Variants in ASCC3 observed in about 807,000 individuals in gnomAD.
The protein encoded by ASCC3 is activating signal cointegrator 1 complex subunit 3, also known as ASC-1 complex subunit P200.
ASCC3 carries 158 observed loss-of-function variants against 256.3 expected under a neutral mutation model. That is an observed-to-expected ratio of 0.62 (90% confidence interval 0.54 to 0.70). ASCC3 has a LOEUF of 0.70. Among genes scored for constraint, ASCC3 ranks in the 30% least tolerant of loss-of-function variants. ASCC3 has a pLI of 0.00. For missense variants in ASCC3, 2,259 were observed against 2,626.0 expected (o/e 0.86, Z 3.05); for synonymous variants, 948 against 883.4 (o/e 1.07, Z -1.30).
At chr6:100,572,642 G>A (rs536546503) in intron 36 of ASCC3, among the ~76,000 whole-genome samples, 4 of 152,112 alleles carry the variant, frequency 2.6e-5, no homozygotes, top group African/African-American at 4.8e-5. Flanking sequence ...AATAAAGCAA[G>A]GAGATAAACA....
chr6:100,850,757 T>C (rs1469384338), intron 3 of ASCC3, among the ~76,000 whole-genome samples: 1 of 152,164 alleles, frequency 6.6e-6, no homozygotes, highest in African/African-American at 2.4e-5. Flanking sequence ...TTTAAGAAAA[T>C]ATATGAAAAT....
At chr6:100,712,994 G>A (rs1211284643) in intron 13 of ASCC3, among the ~76,000 whole-genome samples, 2 of 151,786 alleles carry the variant, frequency 1.3e-5, no homozygotes, top group Non-Finnish European at 2.9e-5. Context: ...TCCTGACCTC[G>A]TGATCCACCT....
At chr6:100,824,878 A>C (rs1052478369) in intron 4 of ASCC3, among the ~76,000 whole-genome samples, 1 of 152,182 alleles carries the variant, frequency 6.6e-6, no homozygotes, top group African/African-American at 2.4e-5. Flanking sequence ...AAAGCCTTGA[A>C]GGGTAAAGGA....
At chr6:100,729,882 T>C (rs891362822) in intron 10 of ASCC3, among the ~76,000 whole-genome samples, 6 of 152,146 alleles carry the variant, frequency 3.9e-5, no homozygotes, top group African/African-American at 1.4e-4. Context: ...CATATGTGAC[T>C]TTTTTAAAAC....
At chr6:100,580,243 G>A (rs914472640) in intron 36 of ASCC3, among the ~76,000 whole-genome samples, 3 of 151,908 alleles carry the variant, frequency 2.0e-5, no homozygotes, top group Admixed American at 6.6e-5. Context: ...ACTACATAAA[G>A]CGTAAGAATT....
intron 1 of ASCC3, among the ~76,000 whole-genome samples, chr6:100,874,713 T>C (rs1773915219): frequency 6.6e-6 from 1 of 151,912 alleles, no homozygotes; most frequent in Admixed American, 6.6e-5. Flanking sequence ...GCTTACAGTA[T>C]GGTTGGGAAG....
intron 20 of ASCC3, 85 bp downstream of exon 20, chr6:100,650,453 G>A: frequency 7.6e-7 from 1 of 1,309,984 alleles, no homozygotes; most frequent in Non-Finnish European, 1.1e-6. Flanking sequence ...ACAAAGCAAT[G>A]CATTCATAGC....
rs138728177 is a variant in ASCC3 at position 100,797,689 on chromosome 6, C to T, written c.1395+1024G>A. Among the ~76,000 whole-genome samples, 61 of 151,932 alleles carry T rather than the reference C, an allele frequency of 4.0e-4. 1 individual carries two copies. The highest frequency in any genetic ancestry group is 1.4e-3 in the African/African-American group (59 of 41,448). On this transcript the variant is annotated intron_variant, in intron 8 of 41. Coordinates refer to ENST00000369162, the MANE Select transcript of ASCC3 (RefSeq NM_006828.4). ...CAAAATATTGATACGTGGACCTCTT[C>T]GAAGAGATTAGGACTTAAATAGTAG...
rs746374521 is a variant in ASCC3, at chr6:100,655,769, C to T, written c.2753G>A (p.Ser918Asn). 1 of 1,611,718 alleles carries T rather than the reference C, an allele frequency of 6.2e-7. No individual in the cohort carries two copies. The highest frequency in any genetic ancestry group is 8.5e-7 in the Non-Finnish European group (1 of 1,178,836). ...TNVEEAVKWISYTYLYVRMRA... is the reference protein window; with the variant it reads ...TNVEEAVKWINYTYLYVRMRA... ...CATCCGTACATAAAGATAAGTGTAA[C>T]TTATCCACTTCACTGCTTCTTCCAC... The change falls in exon 17 of 42, where the codon AGT becomes AAT. Residue 918 changes from serine (S) to asparagine (N), a missense_variant. Ser to Asn is a conservative substitution (Grantham distance 46). Transcript: ENST00000369162.
chr6:100,685,320 C>T (rs1777522120), intron 13 of ASCC3, among the ~76,000 whole-genome samples: 1 of 152,132 alleles, frequency 6.6e-6, no homozygotes, highest in Non-Finnish European at 1.5e-5. Context: ...TGTTTTCATT[C>T]TAGCCATCAC....
At position 100,601,931 on chromosome 6, in the gene ASCC3, A is replaced by G. The variant is rs755598291; in HGVS notation, c.5182T>C (p.Leu1728=). 1 of 1,612,118 alleles carries G rather than the reference A, an allele frequency of 6.2e-7. No individual in the cohort carries two copies. The highest frequency in any genetic ancestry group is 8.5e-7 in the Non-Finnish European group (1 of 1,178,660). Residue 1728 remains leucine, a synonymous_variant, in exon 34 of 42, where the codon TTA becomes CTA. Transcript: ENST00000369162. ...YEPFPVESSL[L]GVLSDHLNAE... ...TTTAAGTGGTCAGAGAGCACTCCTA[A>G]TAAACTATATAGTGAACAAGACATG...
chr6:100,781,971 A>G (rs1243680166), intron 8 of ASCC3, among the ~76,000 whole-genome samples: 2 of 151,976 alleles, frequency 1.3e-5, no homozygotes, highest in Admixed American at 1.3e-4. Context: ...TATTATACCA[A>G]CATATGCTAT....
At chr6:100,603,911 T>A (rs1318509648) in intron 33 of ASCC3, among the ~76,000 whole-genome samples, 1 of 152,094 alleles carries the variant, frequency 6.6e-6, no homozygotes, top group Non-Finnish European at 1.5e-5. Flanking sequence ...AAATTTTTTA[T>A]CAGGTTTTGG....
At chr6:100,551,648 AG>A (rs1769308286) in intron 36 of ASCC3, among the ~76,000 whole-genome samples, 1 of 152,054 alleles carries the variant, frequency 6.6e-6, no homozygotes, top group Admixed American at 6.6e-5. Flanking sequence ...TTTGGTAAGT[AG>A]GACATTTTTC....
intron 16 of ASCC3, 136 bp from the exon 17 acceptor site, chr6:100,655,954 T>C: frequency 1.1e-6 from 1 of 916,216 alleles, no homozygotes; most frequent in Non-Finnish European, 1.7e-6. Context: ...GCATAGTGAC[T>C]GGACACAACA....
rs146450514 is a variant in ASCC3, at chr6:100,691,293, C to T, written c.2152-11541G>A. Among the ~76,000 whole-genome samples the T allele has an allele frequency of 3.1e-3, 464 of 152,002 alleles. 2 individuals carry two copies. Among genetic ancestry groups the T allele is most frequent in the African/African-American group, 0.011 (440 of 41,502 alleles). Reference sequence around the variant, plus strand: ...TAGGACCCCAGAAAATACAACAAAACGTATAGTTTATTAAGTATAAAATTT... The same window carrying T: ...TAGGACCCCAGAAAATACAACAAAATGTATAGTTTATTAAGTATAAAATTT... On this transcript the variant is annotated intron_variant, in intron 13 of 41. Transcript: ENST00000369162.
At chr6:100,754,912 C>A (rs190004935) in intron 10 of ASCC3, among the ~76,000 whole-genome samples, 2 of 152,234 alleles carry the variant, frequency 1.3e-5, no homozygotes, top group East Asian at 3.9e-4. Flanking sequence ...CTCTTGCCTG[C>A]TGCCATGTAA....
At chr6:100,774,037 A>G (rs980456681) in intron 8 of ASCC3, among the ~76,000 whole-genome samples, 1 of 152,224 alleles carries the variant, frequency 6.6e-6, no homozygotes, top group East Asian at 1.9e-4. Context: ...ATAACATTCT[A>G]ATCGATTCAA....
chr6:100,653,878 C>G (rs919141225), intron 17 of ASCC3, among the ~76,000 whole-genome samples: 2 of 151,868 alleles, frequency 1.3e-5, no homozygotes, highest in African/African-American at 2.4e-5. Flanking sequence ...TATTAAGGAA[C>G]ACTCTGTAGT....
Sources: gnomAD v4.1 joint callset for allele counts (sites outside exome capture counted in the v4.1 genomes callset) on GRCh38, gnomAD v4.1.1 for gene constraint, MANE v1.5 for transcripts, NCBI Gene and HGNC (gene_info 2026-07-23, HGNC 2026-07-21) for gene names.